EXOC4: variants seen among roughly 807,000 people sequenced by gnomAD.
EXOC4 encodes exocyst complex component 4.
In EXOC4, 71 loss-of-function variants were observed where a neutral mutation model predicts 107.2. The ratio of observed to expected loss-of-function variants is 0.66; its 90% confidence interval spans 0.55 to 0.81. The LOEUF is 0.81. Ranked by LOEUF, EXOC4 falls within the 30% of genes least tolerant of loss-of-function variation. EXOC4 has a pLI of 0.00. For missense variants in EXOC4, 1,108 were observed against 1,189.6 expected, an observed-to-expected ratio of 0.93 and a Z score of 1.01; for synonymous variants, 456 against 441.2, an observed-to-expected ratio of 1.03 and a Z score of -0.42.
intron 10 of EXOC4, among the ~76,000 whole-genome samples, chr7:133,699,732 T>C (rs1025612860): frequency 1.3e-5 from 2 of 152,232 alleles, no homozygotes; most frequent in Non-Finnish European, 2.9e-5. Flanking sequence ...TGGACAACTT[T>C]CACAGTCTTC....
chr7:133,624,504 G>A (rs1287116290), intron 9 of EXOC4, among the ~76,000 whole-genome samples: 1 of 152,088 alleles, frequency 6.6e-6, no homozygotes, highest in African/African-American at 2.4e-5. Context: ...GATCCCTTGA[G>A]CCTGGAAGGT....
intron 10 of EXOC4, among the ~76,000 whole-genome samples, chr7:133,789,426 C>T (rs533049845): frequency 7.2e-5 from 11 of 152,260 alleles, no homozygotes; most frequent in East Asian, 3.9e-4. Context: ...ATTTTGCTTT[C>T]GATGACTTGT....
intron 11 of EXOC4, among the ~76,000 whole-genome samples, chr7:133,884,757 T>G (rs1799045337): frequency 6.6e-6 from 1 of 152,264 alleles, no homozygotes; most frequent in Middle Eastern, 3.4e-3. Flanking sequence ...TACAGAGCAT[T>G]CGGCAAACTA....
At chr7:133,692,821 T>C (rs1794450140) in intron 10 of EXOC4, among the ~76,000 whole-genome samples, 1 of 152,210 alleles carries the variant, frequency 6.6e-6, no homozygotes, top group Non-Finnish European at 1.5e-5. Flanking sequence ...CTCCTTAGAA[T>C]TAGTATTTCT....
In EXOC4 at chr7:133,869,699, G is replaced by C. The variant is rs539978793; in HGVS notation, c.1735-25900G>C. ...AAAGTAGAATCCCTTCTCTAAACTGGAATCATGTGGCAGGAAGTTCTTATC... is the reference window on the plus strand; with the variant it reads ...AAAGTAGAATCCCTTCTCTAAACTGCAATCATGTGGCAGGAAGTTCTTATC... On this transcript the variant is annotated intron_variant, in intron 11 of 17. Coordinates refer to ENST00000253861, the MANE Select transcript of EXOC4 (RefSeq NM_021807.4). 2.4e-4 allele frequency among the ~76,000 whole-genome samples: 37 copies of C among 152,012 alleles called. 1 individual carries two copies. In the East Asian group the frequency reaches 6.8e-3, roughly 28 times the overall value.
chr7:133,805,375 A>G (rs1405075922), intron 10 of EXOC4, among the ~76,000 whole-genome samples: 1 of 152,228 alleles, frequency 6.6e-6, no homozygotes, highest in Non-Finnish European at 1.5e-5. Context: ...AAAAATACAG[A>G]GAGTACATGG....
chr7:133,700,130 T>C (rs745870752), intron 10 of EXOC4, among the ~76,000 whole-genome samples: 1 of 152,122 alleles, frequency 6.6e-6, no homozygotes, highest in African/African-American at 2.4e-5. Flanking sequence ...GGAGGGGAAA[T>C]GGATTTTGGA....
chr7:133,719,616 G>A (rs961804289), intron 10 of EXOC4, among the ~76,000 whole-genome samples: 2 of 151,646 alleles, frequency 1.3e-5, no homozygotes, highest in Non-Finnish European at 1.5e-5. Flanking sequence ...TGTGTGCATG[G>A]TTTGAGGCTT....
intron 9 of EXOC4, among the ~76,000 whole-genome samples, chr7:133,579,938 G>T (rs1744515852): frequency 6.6e-6 from 1 of 152,104 alleles, no homozygotes; most frequent in South Asian, 2.1e-4. Flanking sequence ...CTTGTGATCT[G>T]CCCGCCTTGG....
chr7:133,606,343 C>G (rs1052503792), intron 9 of EXOC4, among the ~76,000 whole-genome samples: 1 of 151,932 alleles, frequency 6.6e-6, no homozygotes, highest in Non-Finnish European at 1.5e-5. Flanking sequence ...ATCTCTGTTT[C>G]CTTCCAGTGT....
intron 9 of EXOC4, among the ~76,000 whole-genome samples, chr7:133,573,806 ATTGCACC>A (rs1287429014): frequency 6.6e-6 from 1 of 152,094 alleles, no homozygotes; most frequent in East Asian, 1.9e-4. Context: ...GGCATGAGCC[ATTGCACC>A]TTGCCAAGCC....
intron 4 of EXOC4, 150 bp downstream of exon 4, chr7:133,306,211 C>T: frequency 1.6e-6 from 1 of 609,772 alleles, no homozygotes; most frequent in Non-Finnish European, 2.7e-6. Flanking sequence ...ATAGCAAATA[C>T]TCCATGTTCT....
chr7:133,517,394 T>C (rs925687542), intron 9 of EXOC4, among the ~76,000 whole-genome samples: 1 of 152,176 alleles, frequency 6.6e-6, no homozygotes, highest in Non-Finnish European at 1.5e-5. Flanking sequence ...AAAGATAATA[T>C]ATAATTTTTG....
intron 12 of EXOC4, among the ~76,000 whole-genome samples, chr7:133,898,151 A>G (rs1307923161): frequency 6.6e-6 from 1 of 152,126 alleles, no homozygotes; most frequent in Non-Finnish European, 1.5e-5. Flanking sequence ...CATTTAAAAT[A>G]GTGATTTTTA....
chr7:133,956,012 G>A (rs932395704), intron 14 of EXOC4, among the ~76,000 whole-genome samples: 2 of 152,168 alleles, frequency 1.3e-5, no homozygotes, highest in Admixed American at 1.3e-4. Context: ...TTGGGTGGCA[G>A]CAGCTGCACC....
At chr7:133,275,814 TTC>T (rs1793976447) in intron 2 of EXOC4, among the ~76,000 whole-genome samples, 1 of 151,874 alleles carries the variant, frequency 6.6e-6, no homozygotes, top group Non-Finnish European at 1.5e-5. Flanking sequence ...AACAATTTTT[TTC>T]TTTTTTTTTT....
In EXOC4 at chr7:133,702,805, C is replaced by T. The variant is rs547878565; in HGVS notation, c.1514+72664C>T. Among the ~76,000 whole-genome samples the T allele has an allele frequency of 5.9e-5, 9 of 152,246 alleles. No homozygotes were observed. The South Asian group carries it at 1.9e-3, about 32-fold the overall frequency. ...GTCTTTCTTTAATTTTATAAACTGC[C>T]ATGTTCTGTTATGAATGTGCACTGC... On this transcript the variant is annotated intron_variant, in intron 10 of 17. Coordinates refer to ENST00000253861, the MANE Select transcript of EXOC4 (RefSeq NM_021807.4).
chr7:133,528,750 C>T (rs1010151246), intron 9 of EXOC4, among the ~76,000 whole-genome samples: 5 of 152,112 alleles, frequency 3.3e-5, no homozygotes, highest in African/African-American at 1.2e-4. Context: ...TCAGAGCCAA[C>T]ACATTTGTCT....
At chr7:133,845,228 C>T (rs558443414) in intron 11 of EXOC4, among the ~76,000 whole-genome samples, 2 of 151,878 alleles carry the variant, frequency 1.3e-5, no homozygotes, top group South Asian at 4.2e-4. Context: ...CATGCACATC[C>T]TGTTGCCTGT....
Sources: gnomAD v4.1 joint callset for allele counts (sites outside exome capture counted in the v4.1 genomes callset) on GRCh38, gnomAD v4.1.1 for gene constraint, MANE v1.5 for transcripts, NCBI Gene and HGNC (gene_info 2026-07-23, HGNC 2026-07-21) for gene names.